Variants in RNF220 observed in about 807,000 individuals in gnomAD.
RNF220 encodes the protein ring finger protein 220.
A neutral mutation model predicts 67.1 loss-of-function variants in RNF220; 7 were observed. The ratio of observed to expected loss-of-function variants is 0.10; its 90% confidence interval spans 0.06 to 0.20. RNF220 has a LOEUF of 0.20. RNF220 is among the 10% of genes least tolerant of loss of function. The probability of loss-of-function intolerance (pLI) is 1.00; values close to 1 mark genes in which losing one functional copy is unlikely to be tolerated. For synonymous variants in RNF220, 270 were observed against 283.2 expected (o/e 0.95, Z 0.47); for missense variants, 565 against 740.3 (o/e 0.76, Z 2.75).
chr1:44,431,311 GAAACCC>G (rs1302618576), intron 2 of RNF220, among the ~76,000 whole-genome samples: 18 of 152,106 alleles, frequency 1.2e-4, no homozygotes, highest in African/African-American at 4.3e-4. Flanking sequence ...CCAAGATGGT[GAAACCC>G]TGTCTCTTCT....
At chr1:44,617,261 GC>G (rs1643595424) in intron 3 of RNF220, among the ~76,000 whole-genome samples, 2 of 152,210 alleles carry the variant, frequency 1.3e-5, no homozygotes, top group East Asian at 1.9e-4. Context: ...ATCTGTCTCG[GC>G]CCCGCCGCGC....
intron 2 of RNF220, among the ~76,000 whole-genome samples, chr1:44,447,025 A>C (rs1001947437): frequency 1.3e-5 from 2 of 152,228 alleles, no homozygotes; most frequent in African/African-American, 4.8e-5. Context: ...GGAAATGAGC[A>C]ATAGTGAAAT....
intron 2 of RNF220, among the ~76,000 whole-genome samples, chr1:44,543,779 G>A (rs796119144): frequency 1.3e-5 from 2 of 152,100 alleles, no homozygotes; most frequent in African/African-American, 4.8e-5. Flanking sequence ...TCTGGCTGTG[G>A]GGGGAGATAT....
At chr1:44,581,980 T>G (rs1665315467) in intron 2 of RNF220, among the ~76,000 whole-genome samples, 1 of 152,160 alleles carries the variant, frequency 6.6e-6, no homozygotes, top group South Asian at 2.1e-4. Context: ...CATCTATGCC[T>G]CCCTGACTTT....
intron 1 of RNF220, among the ~76,000 whole-genome samples, chr1:44,406,476 C>T (rs1429323621): frequency 6.6e-6 from 1 of 152,266 alleles, no homozygotes; most frequent in Non-Finnish European, 1.5e-5. Flanking sequence ...TACTTGACTA[C>T]TCTACTTGTA....
chr1:44,545,564 G>C (rs994431909), intron 2 of RNF220: 1 of 154,272 alleles, frequency 6.5e-6, no homozygotes, highest in African/African-American at 2.4e-5. Flanking sequence ...TGCTCCTTGT[G>C]GTTTGCTGGA....
At chr1:44,537,625 T>C (rs893076659) in intron 2 of RNF220, among the ~76,000 whole-genome samples, 1 of 152,188 alleles carries the variant, frequency 6.6e-6, no homozygotes, top group African/African-American at 2.4e-5. Context: ...CTTTACTATA[T>C]GATAAACTGG....
intron 2 of RNF220, among the ~76,000 whole-genome samples, chr1:44,561,902 G>C (rs1360047256): frequency 2.6e-5 from 4 of 152,164 alleles, no homozygotes; most frequent in African/African-American, 4.8e-5. Context: ...GGTTGACAAA[G>C]GGAGACCCTG....
Position 44,609,500 on chromosome 1 carries a change from G to C in RNF220, c.626-4665G>C, listed in dbSNP as rs571294501. Among the ~76,000 whole-genome samples the C allele has an allele frequency of 2.6e-5, 4 of 152,306 alleles. No homozygotes were observed. The East Asian group carries it at 7.7e-4, about 29-fold the overall frequency. On this transcript the variant is annotated intron_variant, in intron 2 of 14. Coordinates refer to ENST00000361799, the MANE Select transcript of RNF220 (RefSeq NM_018150.4). Reference sequence around the variant, plus strand: ...TCAAGGAGGGGAGGGCTTTCCCTTTGAACAAGACGCCCGACCTCTATATGT... The same window carrying C: ...TCAAGGAGGGGAGGGCTTTCCCTTTCAACAAGACGCCCGACCTCTATATGT...
At chr1:44,518,030 C>T (rs1659592262) in intron 2 of RNF220, among the ~76,000 whole-genome samples, 1 of 152,138 alleles carries the variant, frequency 6.6e-6, no homozygotes, top group Admixed American at 6.5e-5. Context: ...TCACTTGAAC[C>T]CGGGAGGCGG....
At chr1:44,545,240 C>T (rs1259979709) in intron 2 of RNF220, among the ~76,000 whole-genome samples, 7 of 152,100 alleles carry the variant, frequency 4.6e-5, no homozygotes, top group Non-Finnish European at 1.0e-4. Flanking sequence ...GAAGAGCTGA[C>T]GGGACATCTG....
intron 2 of RNF220, among the ~76,000 whole-genome samples, chr1:44,422,632 T>C (rs569085896): frequency 1.3e-5 from 2 of 152,352 alleles, no homozygotes; most frequent in East Asian, 3.9e-4. Flanking sequence ...AAGCTGAGCC[T>C]ATGAGAAGTT....
chr1:44,576,341 G>T (rs573620744), intron 2 of RNF220, among the ~76,000 whole-genome samples: 1 of 152,296 alleles, frequency 6.6e-6, no homozygotes, highest in African/African-American at 2.4e-5. Flanking sequence ...TTCACCACTT[G>T]AAAGAACAGA....
chr1:44,537,727 C>T (rs1035822528), intron 2 of RNF220, among the ~76,000 whole-genome samples: 4 of 152,178 alleles, frequency 2.6e-5, no homozygotes, highest in African/African-American at 2.4e-5. Flanking sequence ...GACATCTTTC[C>T]ATCCTGACCC....
At chr1:44,423,880 A>G (rs76696049) in intron 2 of RNF220, 78,907 of 985,192 alleles carry the variant, frequency 0.08, 3,276 homozygotes, top group Middle Eastern at 0.15. Flanking sequence ...TTGAAGAAGG[A>G]AAAAAAGAAA....
chr1:44,477,620 T>C (rs1655409820), intron 2 of RNF220, among the ~76,000 whole-genome samples: 2 of 152,222 alleles, frequency 1.3e-5, no homozygotes, highest in Admixed American at 6.5e-5. Flanking sequence ...CTGTAGGTGA[T>C]CTGATCTAAG....
At chr1:44,607,368 C>T (rs1485588751) in intron 2 of RNF220, among the ~76,000 whole-genome samples, 1 of 152,118 alleles carries the variant, frequency 6.6e-6, no homozygotes, top group Non-Finnish European at 1.5e-5. Context: ...CAGGATGCAC[C>T]CTCTCTATCA....
chr1:44,582,830 C>G (rs904975902), intron 2 of RNF220, among the ~76,000 whole-genome samples: 1 of 151,152 alleles, frequency 6.6e-6, no homozygotes, highest in African/African-American at 2.4e-5. Context: ...TCGAGATCAG[C>G]CTGGCCAACA....
intron 2 of RNF220, among the ~76,000 whole-genome samples, chr1:44,573,916 C>A (rs1012187062): frequency 6.6e-6 from 1 of 151,932 alleles, no homozygotes; most frequent in Admixed American, 6.6e-5. Flanking sequence ...GAGTTCGAGA[C>A]CAGCCTGGGC....
Sources: allele counts gnomAD v4.1 joint callset (sites outside exome capture counted in the v4.1 genomes callset), GRCh38; gene constraint gnomAD v4.1.1; transcripts MANE v1.5; gene names NCBI Gene and HGNC (gene_info 2026-07-23, HGNC 2026-07-21).